Variants in ARHGAP24 observed in about 807,000 individuals in gnomAD.
ARHGAP24 encodes Rho GTPase activating protein 24.
Under a neutral mutation model 76.4 loss-of-function variants are expected in ARHGAP24, and 50 were observed. The ratio of observed to expected loss-of-function variants is 0.65; its 90% confidence interval spans 0.52 to 0.83. The LOEUF (loss-of-function observed/expected upper bound fraction) is 0.83, where lower values mean the gene tolerates loss of function less well. Among genes scored for constraint, ARHGAP24 ranks in the 40% least tolerant of loss-of-function variants. The probability of loss-of-function intolerance (pLI) is 0.00; values close to 1 mark genes in which losing one functional copy is unlikely to be tolerated. For synonymous variants in ARHGAP24, 345 were observed against 323.3 expected (o/e 1.07, Z -0.72); for missense variants, 930 against 914.2 (o/e 1.02, Z -0.22).
intron 3 of ARHGAP24, among the ~76,000 whole-genome samples, chr4:85,862,594 C>T (rs756225959): frequency 1.9e-4 from 29 of 152,078 alleles, no homozygotes; most frequent in Non-Finnish European, 3.7e-4. Flanking sequence ...ACAGGGCTCA[C>T]CCCCTACTCT....
intron 2 of ARHGAP24, among the ~76,000 whole-genome samples, chr4:85,618,400 G>A (rs911472883): frequency 1.1e-4 from 17 of 152,090 alleles, no homozygotes; most frequent in African/African-American, 4.1e-4. Context: ...GTCACAAGTT[G>A]ATTCCATATC....
chr4:85,726,057 G>C (rs2110047693), intron 3 of ARHGAP24, among the ~76,000 whole-genome samples: 1 of 152,238 alleles, frequency 6.6e-6, no homozygotes, highest in Non-Finnish European at 1.5e-5. Context: ...TGCTGATTTT[G>C]AAAACTGCTT....
intron 3 of ARHGAP24, among the ~76,000 whole-genome samples, chr4:85,899,237 A>G (rs1390440628): frequency 6.6e-6 from 1 of 152,222 alleles, no homozygotes; most frequent in African/African-American, 2.4e-5. Context: ...AAGGATCTAC[A>G]TTAGATAGAT....
At chr4:85,787,281 C>A (rs143858192) in intron 3 of ARHGAP24, among the ~76,000 whole-genome samples, 1 of 152,276 alleles carries the variant, frequency 6.6e-6, no homozygotes, top group Non-Finnish European at 1.5e-5. Context: ...TTCTTATTTG[C>A]TCAGATTTCA....
At chr4:85,838,299 C>A (rs28397866) in intron 3 of ARHGAP24, among the ~76,000 whole-genome samples, 1,687 of 152,260 alleles carry the variant, frequency 0.011, 31 homozygotes, top group African/African-American at 0.038. Context: ...CTGAATATAT[C>A]TTTAAAAGGC....
chr4:85,881,536 T>A (rs1733254318), intron 3 of ARHGAP24, among the ~76,000 whole-genome samples: 1 of 152,200 alleles, frequency 6.6e-6, no homozygotes, highest in South Asian at 2.1e-4. Context: ...GTCCACATCA[T>A]TTCACAGACG....
At chr4:85,668,454 G>A (rs191018272) in intron 2 of ARHGAP24, among the ~76,000 whole-genome samples, 1 of 152,050 alleles carries the variant, frequency 6.6e-6, no homozygotes, top group Admixed American at 6.6e-5. Flanking sequence ...GAGAGCAAAG[G>A]GTGCTGATAC....
chr4:85,904,745 A>G (rs1184184670), intron 3 of ARHGAP24, among the ~76,000 whole-genome samples: 1 of 152,224 alleles, frequency 6.6e-6, no homozygotes, highest in African/African-American at 2.4e-5. Context: ...GGATGAAATA[A>G]TTAGAAAGAA....
intron 3 of ARHGAP24, among the ~76,000 whole-genome samples, chr4:85,764,701 A>G (rs912152550): frequency 2.0e-5 from 3 of 152,118 alleles, no homozygotes; most frequent in African/African-American, 4.8e-5. Flanking sequence ...GTTTCTATGA[A>G]CAAAAGCTAT....
At chr4:85,673,478 T>C (rs1277304335) in intron 2 of ARHGAP24, among the ~76,000 whole-genome samples, 1 of 151,992 alleles carries the variant, frequency 6.6e-6, no homozygotes, top group African/African-American at 2.4e-5. Flanking sequence ...TTTCTCTGCT[T>C]CTCAGTCAGT....
intron 2 of ARHGAP24, among the ~76,000 whole-genome samples, chr4:85,581,389 A>T (rs577960829): frequency 1.3e-5 from 2 of 152,266 alleles, no homozygotes; most frequent in South Asian, 4.1e-4. Flanking sequence ...TAGATATGGG[A>T]TTACAGATGC....
At chr4:85,819,359 A>C (rs1423609355) in intron 3 of ARHGAP24, among the ~76,000 whole-genome samples, 2 of 152,166 alleles carry the variant, frequency 1.3e-5, no homozygotes, top group Non-Finnish European at 2.9e-5. Context: ...TTTGACAGTT[A>C]AGAAAATTGA....
intron 3 of ARHGAP24, among the ~76,000 whole-genome samples, chr4:85,845,220 C>T (rs1448363948): frequency 1.3e-5 from 2 of 152,110 alleles, no homozygotes; most frequent in Non-Finnish European, 2.9e-5. Context: ...AATTTTCAGT[C>T]ATAATTATGA....
chr4:85,885,754 G>A (rs1019839617), intron 3 of ARHGAP24, among the ~76,000 whole-genome samples: 1 of 152,028 alleles, frequency 6.6e-6, no homozygotes, highest in East Asian at 1.9e-4. Context: ...AAACTAAAAT[G>A]GTATGTTGTT....
chr4:85,600,490 T>C (rs897237022), intron 2 of ARHGAP24, among the ~76,000 whole-genome samples: 5 of 152,124 alleles, frequency 3.3e-5, no homozygotes, highest in Admixed American at 6.6e-5. Flanking sequence ...AAGAGGGAGA[T>C]GGGGCATTCA....
intron 3 of ARHGAP24, among the ~76,000 whole-genome samples, chr4:85,898,081 A>G (rs939885150): frequency 1.3e-5 from 2 of 148,158 alleles, no homozygotes; most frequent in Admixed American, 1.4e-4. Flanking sequence ...ATTGGTTAGG[A>G]TGTTTTTGTG....
chr4:85,785,473 G>T (rs559460979), intron 3 of ARHGAP24, among the ~76,000 whole-genome samples: 1 of 151,438 alleles, frequency 6.6e-6, no homozygotes, highest in South Asian at 2.1e-4. Flanking sequence ...TTCTGTTTTT[G>T]TTGTTGTTGT....
intron 3 of ARHGAP24, among the ~76,000 whole-genome samples, chr4:85,847,404 T>C (rs966052946): frequency 3.9e-5 from 6 of 152,164 alleles, no homozygotes; most frequent in African/African-American, 1.4e-4. Context: ...TGGTATAATA[T>C]AGGTATTAAT....
intron 3 of ARHGAP24, among the ~76,000 whole-genome samples, chr4:85,743,885 A>G (rs757197758): frequency 3.9e-5 from 6 of 152,244 alleles, no homozygotes; most frequent in Non-Finnish European, 7.3e-5. Flanking sequence ...ACTAAGTTGT[A>G]GCATATAACA....
Sources: gnomAD v4.1 joint callset for allele counts (sites outside exome capture counted in the v4.1 genomes callset) on GRCh38, gnomAD v4.1.1 for gene constraint, MANE v1.5 for transcripts, NCBI Gene and HGNC (gene_info 2026-07-23, HGNC 2026-07-21) for gene names.